The following UQCRB variants were observed in gnomAD, a reference collection of about 807,000 sequenced individuals.
UQCRB encodes the protein ubiquinol-cytochrome c reductase binding protein.
In UQCRB, 12 loss-of-function variants were observed where a neutral mutation model predicts 19.8. The observed-to-expected ratio is 0.61, with a 90% CI of 0.39 to 0.98. The LOEUF (loss-of-function observed/expected upper bound fraction) is 0.98, where lower values mean the gene tolerates loss of function less well. Among genes scored for constraint, UQCRB ranks in the 50% least tolerant of loss-of-function variants. The probability of loss-of-function intolerance (pLI) is 0.00; values close to 1 mark genes in which losing one functional copy is unlikely to be tolerated. For missense variants in UQCRB, 142 were observed against 131.8 expected (o/e 1.08, Z -0.38); for synonymous variants, 39 against 42.9 (o/e 0.91, Z 0.35).
intron 1 of UQCRB, 52 bp downstream of exon 1, chr8:96,235,460 A>T: frequency 6.2e-7 from 1 of 1,614,056 alleles, no homozygotes. Context: ...CTGCAGCAAA[A>T]ATAAACGGTG....
In UQCRB at chr8:96,229,560, A is replaced by G. The variant is rs1192801741; in HGVS notation, c.*1495T>C. 24 of 453,996 alleles carry G rather than the reference A, an allele frequency of 5.3e-5. No individual in the cohort carries two copies. The highest frequency in any genetic ancestry group is 8.8e-6 in the Non-Finnish European group (2 of 226,790). 28.1% of individuals were successfully genotyped at this position (453,996 alleles called of 1,614,324 possible). On this transcript the variant is annotated 3_prime_UTR_variant, in exon 4 of 4. Transcript: ENST00000287022. ...GCCTTTGCAGAGATCTACTCAGGAA[A>G]ATTTTCTGAATAGACAAATGCTTTT... is the stretch of plus-strand genomic sequence containing the variant.
chr8:96,235,138 C>A (rs1442087913), intron 1 of UQCRB: 1 of 417,346 alleles, frequency 2.4e-6, no homozygotes, highest in Admixed American at 3.6e-5. Flanking sequence ...CACGATAGAG[C>A]ACTTGGGTCA....
In UQCRB at chr8:96,230,775, T is replaced by G. The variant is rs1473180515; in HGVS notation, c.*280A>C. On this transcript the variant is annotated 3_prime_UTR_variant, in exon 4 of 4. Coordinates refer to ENST00000287022, the MANE Select transcript of UQCRB (RefSeq NM_006294.5). ...ACGGAAGTTATATCCTTCCATAAAC[T>G]GATAGGCTATCCAACCAGTGAGGAA... 1.7e-6 allele frequency: 1 copy of G among 583,334 alleles called. No individual in the cohort carries two copies. Among genetic ancestry groups the G allele is most frequent in the Non-Finnish European group, 3.2e-6 (1 of 308,350 alleles). The allele number at this position is 583,334 out of a possible 1,614,324, so 36.1% of individuals were successfully genotyped here.
In UQCRB at chr8:96,226,783, T is replaced by C. The variant is rs1036354646; in HGVS notation, c.*4272A>G. On this transcript the variant is annotated 3_prime_UTR_variant, in exon 4 of 4. Transcript: ENST00000287022. ...AAAAGTTCAATAAATAATACACTCT[T>C]TCTTTGTAGGAGATATAATCAGAAT... The C allele has an allele frequency of 2.3e-6, 1 of 427,194 alleles. No individual in the cohort carries two copies. The highest frequency in any genetic ancestry group is 1.7e-5 in the South Asian group (1 of 58,270). 26.5% of individuals were successfully genotyped at this position (427,194 alleles called of 1,614,324 possible).
rs958021364 is a variant in UQCRB, at chr8:96,230,712, C to G, written c.*343G>C. ...TTGGCAAACTAGGGGGTGCATACCC[C>G]CTTCTTTTATTCAGTAGCTTCCATA... On this transcript the variant is annotated 3_prime_UTR_variant, in exon 4 of 4. Coordinates refer to ENST00000287022, the MANE Select transcript of UQCRB (RefSeq NM_006294.5). 4.1e-6 allele frequency: 2 copies of G among 486,806 alleles called. No homozygotes were observed. Among genetic ancestry groups the G allele is most frequent in the South Asian group, 3.1e-5 (2 of 64,756 alleles). The allele number at this position is 486,806 out of a possible 1,614,324, so 30.2% of individuals were successfully genotyped here.
intron 1 of UQCRB, 63 bp downstream of exon 1, chr8:96,235,449 G>A (rs1407826930): frequency 5.6e-6 from 9 of 1,612,170 alleles, no homozygotes; most frequent in Non-Finnish European, 7.6e-6. Flanking sequence ...AACGGAGCAA[G>A]CTGCAGCAAA....
chr8:96,234,623 A>C lies in UQCRB; in HGVS notation c.19+889T>G. 8.8e-6 allele frequency: 6 copies of C among 684,262 alleles called. No homozygotes were observed. In the South Asian group the frequency reaches 8.9e-5, roughly 10 times the overall value. 42.4% of individuals were successfully genotyped at this position (684,262 alleles called of 1,614,324 possible). ...AATTAGGTTAACGGATGTTTCTGGC[A>C]ACCTGATGTTTCCTAACAGCTTCAC... On this transcript the variant is annotated intron_variant, in intron 1 of 3. Transcript: ENST00000287022.
rs1159718131 is a variant in UQCRB, at chr8:96,229,569, AAT to A, written c.*1484_*1485del. 5 of 454,016 alleles carry A rather than the reference AAT, an allele frequency of 1.1e-5. No homozygotes were observed. The highest frequency in any genetic ancestry group is 1.0e-4 in the African/African-American group (5 of 50,008). The allele number at this position is 454,016 out of a possible 1,614,324, so 28.1% of individuals were successfully genotyped here. ...GAGATCTACTCAGGAAAATTTTCTG[AAT>A]AGACAAATGCTTTTAAAGGGGGTTC... is the stretch of plus-strand genomic sequence containing the variant. On this transcript the variant is annotated 3_prime_UTR_variant, in exon 4 of 4. Coordinates refer to ENST00000287022, the MANE Select transcript of UQCRB (RefSeq NM_006294.5).
In UQCRB at chr8:96,232,118, T is replaced by C. The variant is rs530276576; in HGVS notation, c.92-178A>G. Reference sequence around the variant, plus strand: ...ACATTATAGGTTGGTGCAAAAGTAATTGCAGTTTTGCCATTAAAAGTAATG... The same window carrying C: ...ACATTATAGGTTGGTGCAAAAGTAACTGCAGTTTTGCCATTAAAAGTAATG... On this transcript the variant is annotated intron_variant, in intron 2 of 3. Transcript: ENST00000287022. The C allele has an allele frequency of 8.9e-5, 57 of 642,158 alleles. 2 individuals carry two copies. Among genetic ancestry groups the C allele is most frequent in the South Asian group, 5.8e-4 (30 of 51,732 alleles). 39.8% of individuals were successfully genotyped at this position (642,158 alleles called of 1,614,324 possible). A position where few individuals can be genotyped will look rare whatever the true frequency, so the allele number is the denominator to read the frequency against.
intron 1 of UQCRB, chr8:96,234,805 C>T (rs1809764329): frequency 4.8e-6 from 1 of 208,070 alleles, no homozygotes; most frequent in Non-Finnish European, 1.0e-5. Context: ...AAAACGGCTA[C>T]TCCAACTTGT....
rs1395195413 is a variant in UQCRB at position 96,224,461 on chromosome 8, T to A, written c.*6594A>T. 6.6e-6 allele frequency among the ~76,000 whole-genome samples: 1 copy of A among 152,152 alleles called. No homozygotes were observed. The highest frequency in any genetic ancestry group is 1.5e-5 in the Non-Finnish European group (1 of 68,024). ...AGTGTCTATTTGTGCAGTCTTTACA[T>A]CAATTTATCTCTCCTGGGGTACAGA... On this transcript the variant is annotated 3_prime_UTR_variant, in exon 4 of 4. Transcript: ENST00000287022.
intron 3 of UQCRB, 174 bp from the exon 4 acceptor site, chr8:96,231,306 T>C: frequency 6.4e-7 from 1 of 1,552,544 alleles, no homozygotes; most frequent in East Asian, 2.4e-5. Flanking sequence ...GTGGTGATGG[T>C]GTGATAAGTT....
At position 96,230,966 on chromosome 8, in the gene UQCRB, A is replaced by G; in HGVS notation, c.*89T>C. 7.3e-7 allele frequency: 1 copy of G among 1,373,644 alleles called. No individual in the cohort carries two copies. Among genetic ancestry groups the G allele is most frequent in the Non-Finnish European group, 1.0e-6 (1 of 963,316 alleles). The allele number at this position is 1,373,644 out of a possible 1,614,324, so 85.1% of individuals were successfully genotyped here. On this transcript the variant is annotated 3_prime_UTR_variant, in exon 4 of 4. Transcript: ENST00000287022. ...ACAATAGACATTTATTTAAAGTAAA[A>G]CATCTTCAGACCAAATAATTCTTAA...
chr8:96,234,950 C>A, intron 1 of UQCRB: 1 of 207,266 alleles, frequency 4.8e-6, no homozygotes, highest in Non-Finnish European at 1.0e-5. Context: ...CAACCTGAAG[C>A]GTCGCTCGTA....
At chr8:96,234,347 C>A in intron 1 of UQCRB, 2 of 410,576 alleles carry the variant, frequency 4.9e-6, no homozygotes, top group Non-Finnish European at 9.2e-6. Flanking sequence ...GTGCACCAAA[C>A]ACTTTCCTAT....
intron 3 of UQCRB, chr8:96,231,499 G>A (rs1809673986): frequency 6.5e-7 from 1 of 1,533,488 alleles, no homozygotes; most frequent in African/African-American, 1.4e-5. Context: ...AGAGTGCAGA[G>A]CTGGAACAGC....
chr8:96,224,464 A>G lies in UQCRB; in HGVS notation c.*6591T>C, dbSNP rs373141363. 9.2e-5 allele frequency among the ~76,000 whole-genome samples: 14 copies of G among 152,166 alleles called. No homozygotes were observed. The highest frequency in any genetic ancestry group is 5.8e-4 in the East Asian group (3 of 5,196). On this transcript the variant is annotated 3_prime_UTR_variant, in exon 4 of 4. Coordinates refer to ENST00000287022, the MANE Select transcript of UQCRB (RefSeq NM_006294.5). The stretch of plus-strand genomic sequence containing the variant: ...GTCTATTTGTGCAGTCTTTACATCA[A>G]TTTATCTCTCCTGGGGTACAGAGCT...
Position 96,231,506 on chromosome 8 carries a change from C to T in UQCRB, c.258+268G>A, listed in dbSNP as rs145799884. On this transcript the variant is annotated intron_variant, in intron 3 of 3. Coordinates refer to ENST00000287022, the MANE Select transcript of UQCRB (RefSeq NM_006294.5). ...TAGGAAGCAGAGTGCAGAGCTGGAA[C>T]AGCAAAGACCTGGGAGGCAACAGAC... 1,791 of 1,531,438 alleles carry T rather than the reference C, an allele frequency of 1.2e-3. 13 individuals carry two copies. In the African/African-American group the frequency reaches 0.02, roughly 17 times the overall value. 94.9% of individuals were successfully genotyped at this position (1,531,438 alleles called of 1,614,324 possible).
rs1226148041 is a variant in UQCRB at position 96,230,651 on chromosome 8, C to A, written c.*404G>T. ...TAAATGATAGGATGCAAAATCAAAT[C>A]TGTTTGCATACCAGTGAAGAGGCTA... On this transcript the variant is annotated 3_prime_UTR_variant, in exon 4 of 4. Transcript: ENST00000287022. 1 of 459,230 alleles carries A rather than the reference C, an allele frequency of 2.2e-6. No homozygotes were observed. The highest frequency in any genetic ancestry group is 1.5e-5 in the South Asian group (1 of 64,524). The allele number at this position is 459,230 out of a possible 1,614,324, so 28.4% of individuals were successfully genotyped here.
Sources: gnomAD v4.1 joint callset for allele counts (sites outside exome capture counted in the v4.1 genomes callset) on GRCh38, gnomAD v4.1.1 for gene constraint, MANE v1.5 for transcripts, NCBI Gene and HGNC (gene_info 2026-07-23, HGNC 2026-07-21) for gene names.